TTC29: variants seen among roughly 807,000 people sequenced by gnomAD.
TTC29 encodes tetratricopeptide repeat domain 29.
A neutral mutation model predicts 58.1 loss-of-function variants in TTC29; 49 were observed. The ratio of observed to expected loss-of-function variants is 0.84; its 90% CI spans 0.67 to 1.07. The LOEUF (loss-of-function observed/expected upper bound fraction) is 1.07. Among genes scored for constraint, TTC29 ranks in the 50% least tolerant of loss-of-function variants. TTC29 has a pLI of 0.00. For synonymous variants in TTC29, 209 were observed against 196.8 expected, an observed-to-expected ratio of 1.06 and a Z score of -0.52; for missense variants, 582 against 555.6, an observed-to-expected ratio of 1.05 and a Z score of -0.48.
chr4:146,723,685 A>G (rs924944439), intron 11 of TTC29, among the ~76,000 whole-genome samples: 4 of 152,196 alleles, frequency 2.6e-5, no homozygotes, highest in African/African-American at 4.8e-5. Context: ...ATGAGATACC[A>G]TCTCACACCA....
intron 11 of TTC29, among the ~76,000 whole-genome samples, chr4:146,746,314 T>C (rs910320791): frequency 1.3e-5 from 2 of 152,212 alleles, no homozygotes; most frequent in African/African-American, 4.8e-5. Context: ...TAGGACTCGT[T>C]AGTATGCTCA....
intron 4 of TTC29, among the ~76,000 whole-genome samples, chr4:146,918,036 C>T (rs1437553724): frequency 1.3e-5 from 2 of 150,526 alleles, no homozygotes; most frequent in Non-Finnish European, 3.0e-5. Context: ...AATCTGCCCC[C>T]CAGAACATTT....
chr4:146,924,710 G>A (rs1734812460), intron 4 of TTC29, among the ~76,000 whole-genome samples: 1 of 147,784 alleles, frequency 6.8e-6, no homozygotes, highest in Non-Finnish European at 1.5e-5. Flanking sequence ...TTTTTTGGTT[G>A]CTTTCTGCCC....
In TTC29 at chr4:146,935,698, C is replaced by T. The variant is rs150771230; in HGVS notation, c.176+1896G>A. On this transcript the variant is annotated intron_variant, in intron 4 of 12. Transcript: ENST00000325106. ...TTATTGTCTCAAATAGATGTTAAGG[C>T]TCCAGGATGGGGCCAAGTATTTTAC... Among the ~76,000 whole-genome samples the T allele has an allele frequency of 7.9e-5, 12 of 152,312 alleles. No individual in the cohort carries two copies. In the East Asian group the frequency reaches 1.9e-3, roughly 24 times the overall value.
Position 146,819,096 on chromosome 4 carries a change from A to G in TTC29, c.1101+1029T>C, listed in dbSNP as rs536625340. On this transcript the variant is annotated intron_variant, in intron 10 of 12. Transcript: ENST00000325106. ...ATTGTGCACATGTACCCTAAAACTT[A>G]AAGTATAACAATAATAAAAATAAAT... Among the ~76,000 whole-genome samples the G allele has an allele frequency of 3.4e-3, 512 of 151,970 alleles. 6 individuals carry two copies. The South Asian group carries it at 0.05, about 15-fold the overall frequency.
intron 3 of TTC29, among the ~76,000 whole-genome samples, chr4:146,938,351 C>T (rs1390704382): frequency 6.6e-6 from 1 of 152,068 alleles, no homozygotes; most frequent in African/African-American, 2.4e-5. Context: ...AATGTTGATA[C>T]AAACTTTGCC....
chr4:146,907,182 A>G (rs1733577212), intron 5 of TTC29, among the ~76,000 whole-genome samples: 2 of 152,316 alleles, frequency 1.3e-5, no homozygotes, highest in South Asian at 4.1e-4. Context: ...TTTTACTTAT[A>G]GTAACTTTCC....
At position 146,707,191 on chromosome 4, in the gene TTC29, GAAATA is replaced by G. The variant is rs1742016981; in HGVS notation, c.1398-8_1398-4del. 2 of 1,497,360 alleles carry G rather than the reference GAAATA, an allele frequency of 1.3e-6. No homozygotes were observed. Among genetic ancestry groups the G allele is most frequent in the Non-Finnish European group, 1.8e-6 (2 of 1,115,172 alleles). 92.8% of individuals were successfully genotyped at this position (1,497,360 alleles called of 1,614,324 possible). A position where few individuals can be genotyped will look rare whatever the true frequency, so the allele number is the denominator to read the frequency against. ...CATTTTTTTGATCACCTGGAAACCT[GAAATA>G]AAATAAATTATAAATTTAACTTTTA... On this transcript the variant is annotated splice_region_variant and splice_polypyrimidine_tract_variant and intron_variant, in intron 12 of 12. Transcript: ENST00000325106.
intron 4 of TTC29, among the ~76,000 whole-genome samples, chr4:146,927,616 A>G (rs191448080): frequency 2.8e-4 from 42 of 152,248 alleles, no homozygotes; most frequent in African/African-American, 9.6e-4. Flanking sequence ...AGTATAGAAC[A>G]TACTATAGTA....
At chr4:146,940,752 C>T (rs912820055) in intron 2 of TTC29, among the ~76,000 whole-genome samples, 4 of 152,190 alleles carry the variant, frequency 2.6e-5, no homozygotes, top group Non-Finnish European at 5.9e-5. Context: ...ATCATGGCAA[C>T]CTAAGACTTC....
At chr4:146,794,659 G>C (rs1419295428) in intron 11 of TTC29, among the ~76,000 whole-genome samples, 1 of 152,040 alleles carries the variant, frequency 6.6e-6, no homozygotes, top group African/African-American at 2.4e-5. Flanking sequence ...CTGGAAAACT[G>C]TTTCCCTCCT....
intron 11 of TTC29, among the ~76,000 whole-genome samples, chr4:146,775,999 T>A (rs1321516818): frequency 6.6e-6 from 1 of 152,210 alleles, no homozygotes; most frequent in African/African-American, 2.4e-5. Flanking sequence ...CTTTATTGTT[T>A]TTTCTTTATT....
chr4:146,843,379 T>G (rs1728971330), intron 8 of TTC29, among the ~76,000 whole-genome samples: 1 of 152,210 alleles, frequency 6.6e-6, no homozygotes, highest in Non-Finnish European at 1.5e-5. Flanking sequence ...AAACTGGGAA[T>G]AGTCTGGCCT....
rs1731745583 is a variant in TTC29 at position 146,883,137 on chromosome 4, TC to T, written c.587-8210del. Among the ~76,000 whole-genome samples the T allele has an allele frequency of 5.3e-5, 8 of 152,080 alleles. No individual in the cohort carries two copies. The South Asian group carries it at 1.7e-3, about 31-fold the overall frequency. ...TGTGACTTTACTTCTTCAGGGTCAC[TC>T]CCCTTTTTAGAAAATGGGTCAAGTA... is the stretch of plus-strand genomic sequence containing the variant. On this transcript the variant is annotated intron_variant, in intron 6 of 12. Transcript: ENST00000325106.
chr4:146,785,387 A>G (rs1402491312), intron 11 of TTC29, among the ~76,000 whole-genome samples: 1 of 152,188 alleles, frequency 6.6e-6, no homozygotes, highest in Non-Finnish European at 1.5e-5. Flanking sequence ...CTCAAATGGC[A>G]GCAACAAAAA....
rs531158410 is a variant in TTC29 at position 146,729,958 on chromosome 4, C to T, written c.1331-22407G>A. ...TGAGATTTGGGTGGGGACACAAAGC[C>T]AAACCATATTAGGTGGGATTGACAC... is the stretch of plus-strand genomic sequence containing the variant. On this transcript the variant is annotated intron_variant, in intron 11 of 12. Coordinates refer to ENST00000325106, the MANE Select transcript of TTC29 (RefSeq NM_031956.4). 1.0e-3 allele frequency among the ~76,000 whole-genome samples: 151 copies of T among 151,758 alleles called. 3 individuals carry two copies. In the South Asian group the frequency reaches 0.031, roughly 31 times the overall value.
intron 11 of TTC29, among the ~76,000 whole-genome samples, chr4:146,780,389 C>G (rs900093907): frequency 6.9e-6 from 1 of 144,798 alleles, no homozygotes; most frequent in Non-Finnish European, 1.5e-5. Flanking sequence ...TGTAAATGTT[C>G]TTATTTTTTA....
At chr4:146,849,933 A>G (rs1729413553) in intron 8 of TTC29, among the ~76,000 whole-genome samples, 1 of 152,120 alleles carries the variant, frequency 6.6e-6, no homozygotes, top group Non-Finnish European at 1.5e-5. Context: ...CTGATCACCC[A>G]TTTATAATTC....
chr4:146,908,516 CA>C (rs1292450041), intron 5 of TTC29, among the ~76,000 whole-genome samples: 1 of 152,064 alleles, frequency 6.6e-6, no homozygotes, highest in Non-Finnish European at 1.5e-5. Flanking sequence ...ATTTTATTTG[CA>C]ATTGTGAATT....
Sources: gnomAD v4.1 joint callset for allele counts (sites outside exome capture counted in the v4.1 genomes callset) on GRCh38, gnomAD v4.1.1 for gene constraint, MANE v1.5 for transcripts, NCBI Gene and HGNC (gene_info 2026-07-23, HGNC 2026-07-21) for gene names.